Variants in ERBB4 observed in about 807,000 individuals in gnomAD.
The protein encoded by ERBB4 is receptor tyrosine-protein kinase erbB-4.
In ERBB4, 42 loss-of-function variants were observed where a neutral mutation model predicts 158.0. That is an observed-to-expected ratio of 0.27 (90% CI 0.21 to 0.34). The LOEUF is 0.34. ERBB4 is among the 10% of genes least tolerant of loss of function. The probability of loss-of-function intolerance (pLI) is 1.00; values close to 1 mark genes in which losing one functional copy is unlikely to be tolerated. For synonymous variants in ERBB4, 583 were observed against 558.7 expected, an observed-to-expected ratio of 1.04 and a Z score of -0.61; for missense variants, 1,333 against 1,624.1, an observed-to-expected ratio of 0.82 and a Z score of 3.08.
intron 1 of ERBB4, among the ~76,000 whole-genome samples, chr2:212,399,891 AAAAC>A (rs1018579572): frequency 4.0e-5 from 6 of 151,846 alleles, no homozygotes; most frequent in South Asian, 2.1e-4. Flanking sequence ...AACAAAAACA[AAAAC>A]AAACAAACAA....
chr2:211,572,621 T>A (rs2067763599), intron 19 of ERBB4, among the ~76,000 whole-genome samples: 1 of 152,180 alleles, frequency 6.6e-6, no homozygotes, highest in Non-Finnish European at 1.5e-5. Flanking sequence ...TGCCGTCAAT[T>A]TGAGGTAACC....
chr2:212,223,427 A>T (rs3040326), intron 1 of ERBB4, among the ~76,000 whole-genome samples: 9,217 of 130,914 alleles, frequency 0.07, 312 homozygotes, highest in Middle Eastern at 0.12. Context: ...ATATATATAT[A>T]TTTTTTTTAT....
intron 19 of ERBB4, among the ~76,000 whole-genome samples, chr2:211,610,171 CTTT>C (rs985196665): frequency 6.6e-6 from 1 of 151,434 alleles, no homozygotes; most frequent in African/African-American, 2.4e-5. Flanking sequence ...ATACATATGT[CTTT>C]TTATTAGATT....
chr2:212,359,830 A>G (rs2089615749), intron 1 of ERBB4, among the ~76,000 whole-genome samples: 1 of 151,814 alleles, frequency 6.6e-6, no homozygotes, highest in Non-Finnish European at 1.5e-5. Flanking sequence ...CATTTACCAC[A>G]GAAACAAAGA....
chr2:211,978,092 C>G (rs2081668861), intron 2 of ERBB4, among the ~76,000 whole-genome samples: 1 of 150,958 alleles, frequency 6.6e-6, no homozygotes, highest in Non-Finnish European at 1.5e-5. Flanking sequence ...GTGTAGTAGG[C>G]ATTTTGTACA....
intron 1 of ERBB4, chr2:212,426,466 G>C (rs1434420571): frequency 5.3e-5 from 21 of 393,960 alleles, no homozygotes; most frequent in Non-Finnish European, 1.1e-4. Flanking sequence ...TAGAGAAGCT[G>C]ATATTTTTAT....
intron 20 of ERBB4, among the ~76,000 whole-genome samples, chr2:211,508,733 T>C (rs1463735412): frequency 6.6e-6 from 1 of 152,114 alleles, no homozygotes; most frequent in Non-Finnish European, 1.5e-5. Flanking sequence ...CTATTTACAA[T>C]TGCAAAGACT....
At chr2:211,505,276 G>T (rs772770179) in intron 20 of ERBB4, among the ~76,000 whole-genome samples, 1 of 151,440 alleles carries the variant, frequency 6.6e-6, no homozygotes, top group Non-Finnish European at 1.5e-5. Flanking sequence ...TTATAAGCCA[G>T]AAGAGACTGT....
chr2:211,807,724 T>G (rs552183453), intron 3 of ERBB4, among the ~76,000 whole-genome samples: 2 of 152,138 alleles, frequency 1.3e-5, no homozygotes, highest in East Asian at 3.9e-4. Context: ...ATGGTTGAAC[T>G]AGTTTACACT....
Position 211,830,154 on chromosome 2 carries a change from G to A in ERBB4, c.422-41995C>T, listed in dbSNP as rs140664835. 1.2e-3 allele frequency among the ~76,000 whole-genome samples: 184 copies of A among 152,290 alleles called. 2 individuals carry two copies. The highest frequency in any genetic ancestry group is 9.3e-3 in the Admixed American group (142 of 15,284). On this transcript the variant is annotated intron_variant, in intron 3 of 27. Transcript: ENST00000342788. Reference sequence around the variant, plus strand: ...ATCCCACAACTCTTTCTTGGGGACTGTGTCTTATTTGTTTACTTATTGACT... The same window carrying A: ...ATCCCACAACTCTTTCTTGGGGACTATGTCTTATTTGTTTACTTATTGACT...
chr2:212,454,144 T>C (rs906112198), intron 1 of ERBB4, among the ~76,000 whole-genome samples: 13 of 152,140 alleles, frequency 8.5e-5, no homozygotes, highest in African/African-American at 3.1e-4. Context: ...TTTCACTATG[T>C]TGGCCAGGCT....
chr2:211,608,127 G>A (rs1559344276), intron 19 of ERBB4, among the ~76,000 whole-genome samples: 2 of 151,960 alleles, frequency 1.3e-5, no homozygotes, highest in Non-Finnish European at 2.9e-5. Flanking sequence ...GAGAGTAAGA[G>A]TGAGTAACAT....
chr2:211,492,567 T>C (rs2065371006), intron 20 of ERBB4, among the ~76,000 whole-genome samples: 2 of 151,946 alleles, frequency 1.3e-5, no homozygotes, highest in African/African-American at 2.4e-5. Context: ...TCTACAAAAG[T>C]AGGTAAAATA....
chr2:211,511,242 C>T (rs1346807054), intron 20 of ERBB4, among the ~76,000 whole-genome samples: 2 of 151,820 alleles, frequency 1.3e-5, no homozygotes, highest in Admixed American at 1.3e-4. Flanking sequence ...CTTATATATT[C>T]AATATTATCT....
chr2:211,577,240 G>T (rs941453872), intron 19 of ERBB4, among the ~76,000 whole-genome samples: 2 of 152,104 alleles, frequency 1.3e-5, no homozygotes, highest in African/African-American at 4.8e-5. Flanking sequence ...GAAGCATATG[G>T]TACATGACAG....
chr2:212,230,868 T>C (rs574080104), intron 1 of ERBB4, among the ~76,000 whole-genome samples: 58 of 152,284 alleles, frequency 3.8e-4, no homozygotes, highest in Admixed American at 3.9e-4. Flanking sequence ...CCAGGAATCA[T>C]AGGGAAATGA....
At chr2:211,708,044 CT>C (rs2073516284) in intron 9 of ERBB4, among the ~76,000 whole-genome samples, 5 of 152,018 alleles carry the variant, frequency 3.3e-5, no homozygotes, top group Admixed American at 3.3e-4. Flanking sequence ...TGTAAGTTTT[CT>C]GCTTATAATA....
chr2:212,045,220 G>A (rs563672141), intron 2 of ERBB4, among the ~76,000 whole-genome samples: 2 of 152,272 alleles, frequency 1.3e-5, no homozygotes, highest in East Asian at 1.9e-4. Flanking sequence ...AGCGCTTTGG[G>A]AGGCCAAGGC....
intron 3 of ERBB4, among the ~76,000 whole-genome samples, chr2:211,811,204 G>T (rs960403165): frequency 6.6e-6 from 1 of 152,134 alleles, no homozygotes; most frequent in African/African-American, 2.4e-5. Flanking sequence ...TGTAAGACAG[G>T]CCTGGTGGTG....
Sources: gnomAD v4.1 joint callset for allele counts (sites outside exome capture counted in the v4.1 genomes callset) on GRCh38, gnomAD v4.1.1 for gene constraint, MANE v1.5 for transcripts, NCBI Gene and HGNC (gene_info 2026-07-23, HGNC 2026-07-21) for gene names.